GLO1: variants seen among roughly 807,000 people sequenced by gnomAD.
GLO1 encodes the protein lactoylglutathione lyase.
GLO1 carries 28 observed loss-of-function variants against 26.0 expected under a neutral mutation model. The observed-to-expected ratio is 1.08, with a 90% CI of 0.80 to 1.48. The LOEUF is 1.48. Among genes scored for constraint, GLO1 ranks in the 40% most tolerant of loss-of-function variants. The pLI, the probability that GLO1 is intolerant of heterozygous loss-of-function variation, is 0.00. For missense variants in GLO1, 225 were observed against 224.8 expected (o/e 1.00, Z -0.01); for synonymous variants, 78 against 77.6 (o/e 1.00, Z -0.03).
chr6:38,690,610 T>C (rs1399556336), intron 1 of GLO1, among the ~76,000 whole-genome samples: 1 of 152,190 alleles, frequency 6.6e-6, no homozygotes, highest in South Asian at 2.1e-4. Context: ...AGATTAATTA[T>C]ATCTTAAAAT....
chr6:38,683,135 A>G, intron 3 of GLO1: 1 of 393,806 alleles, frequency 2.5e-6, no homozygotes, highest in Non-Finnish European at 4.6e-6. Flanking sequence ...TATTGTGCTA[A>G]GTACTTTATA....
chr6:38,681,537 C>T lies in GLO1; in HGVS notation c.466+475G>A, dbSNP rs962323645. On this transcript the variant is annotated intron_variant, in intron 5 of 5. Coordinates refer to ENST00000373365, the MANE Select transcript of GLO1 (RefSeq NM_006708.3). Reference sequence around the variant, plus strand: ...ACATGTAAACCCAGCAAAATCCATACGTAGGCTATTTCAAAAAACCTACCT... The same window carrying T: ...ACATGTAAACCCAGCAAAATCCATATGTAGGCTATTTCAAAAAACCTACCT... Among the ~76,000 whole-genome samples the T allele has an allele frequency of 3.3e-5, 5 of 151,964 alleles. No individual in the cohort carries two copies. The East Asian group carries it at 5.8e-4, about 18-fold the overall frequency.
chr6:38,695,900 C>A (rs1047029061), intron 1 of GLO1, among the ~76,000 whole-genome samples: 4 of 152,108 alleles, frequency 2.6e-5, no homozygotes, highest in African/African-American at 7.2e-5. Flanking sequence ...TCTTCAGCTT[C>A]AAGTCTGGGC....
Position 38,680,195 on chromosome 6 carries a change from A to G in GLO1, c.466+1817T>C, listed in dbSNP as rs564587591. Reference sequence around the variant, plus strand: ...CTTCAGACATAAAGGCATCATCCTCAGTTACACAGAATCTCAAAAGTTTTG... The same window carrying G: ...CTTCAGACATAAAGGCATCATCCTCGGTTACACAGAATCTCAAAAGTTTTG... On this transcript the variant is annotated intron_variant, in intron 5 of 5. Coordinates refer to ENST00000373365, the MANE Select transcript of GLO1 (RefSeq NM_006708.3). 5.3e-5 allele frequency among the ~76,000 whole-genome samples: 8 copies of G among 152,340 alleles called. No homozygotes were observed. The East Asian group carries it at 1.5e-3, about 29-fold the overall frequency.
chr6:38,685,093 C>T (rs1761442888), intron 2 of GLO1, among the ~76,000 whole-genome samples: 1 of 152,206 alleles, frequency 6.6e-6, no homozygotes, highest in African/African-American at 2.4e-5. Context: ...AAGAAAAGGT[C>T]ATGAGATATG....
Position 38,684,534 on chromosome 6 carries a change from A to C in GLO1, c.168-20T>G. On this transcript the variant is annotated intron_variant, in intron 2 of 5. Transcript: ENST00000373365. ...ATTAGCCTGCAATGAAAAAACAACA[A>C]GCCTGAATCATTAACAACAGGAAAG... The C allele has an allele frequency of 6.9e-7, 1 of 1,450,950 alleles. No individual in the cohort carries two copies. Among genetic ancestry groups the C allele is most frequent in the Non-Finnish European group, 9.1e-7 (1 of 1,095,842 alleles). The allele number at this position is 1,450,950 out of a possible 1,614,324, so 89.9% of individuals were successfully genotyped here. A position where few individuals can be genotyped will look rare whatever the true frequency, so the allele number is the denominator to read the frequency against.
chr6:38,688,814 C>T (rs1241027198), intron 1 of GLO1, among the ~76,000 whole-genome samples: 1 of 152,232 alleles, frequency 6.6e-6, no homozygotes, highest in African/African-American at 2.4e-5. Flanking sequence ...CTGTGAGAGA[C>T]TCTGAGAGGA....
chr6:38,699,334 C>A (rs1045325017), intron 1 of GLO1, among the ~76,000 whole-genome samples: 6 of 152,110 alleles, frequency 3.9e-5, no homozygotes, highest in Non-Finnish European at 8.8e-5. Context: ...GGATGTACAT[C>A]ACCTCAGGAC....
At chr6:38,691,127 G>C (rs1761523274) in intron 1 of GLO1, among the ~76,000 whole-genome samples, 1 of 151,984 alleles carries the variant, frequency 6.6e-6, no homozygotes, top group South Asian at 2.1e-4. Flanking sequence ...TTTAAATTTA[G>C]AACAATAAAA....
chr6:38,699,767 C>T (rs181513795), intron 1 of GLO1, among the ~76,000 whole-genome samples: 23 of 152,194 alleles, frequency 1.5e-4, no homozygotes, highest in Admixed American at 1.5e-3. Context: ...TGTGGTCAGA[C>T]CGCTTCTCTG....
At chr6:38,698,652 C>G (rs1006330889) in intron 1 of GLO1, among the ~76,000 whole-genome samples, 1 of 135,130 alleles carries the variant, frequency 7.4e-6, no homozygotes, top group Non-Finnish European at 1.5e-5. Flanking sequence ...GAAGGAGAAC[C>G]TGACCTTTTT....
chr6:38,695,931 C>T (rs555705549), intron 1 of GLO1, among the ~76,000 whole-genome samples: 2 of 152,234 alleles, frequency 1.3e-5, no homozygotes, highest in East Asian at 3.9e-4. Context: ...AAAAAGAAAA[C>T]TTAGGAAACT....
At position 38,703,075 on chromosome 6, in the gene GLO1, G is replaced by A. The variant is rs1167258081; in HGVS notation, c.-21C>T. The A allele has an allele frequency of 7.0e-7, 1 of 1,429,098 alleles. No individual in the cohort carries two copies. The highest frequency in any genetic ancestry group is 9.8e-7 in the Non-Finnish European group (1 of 1,022,360). The allele number at this position is 1,429,098 out of a possible 1,614,324, so 88.5% of individuals were successfully genotyped here. On this transcript the variant is annotated 5_prime_UTR_variant, in exon 1 of 6. Coordinates refer to ENST00000373365, the MANE Select transcript of GLO1 (RefSeq NM_006708.3). Reference sequence around the variant, plus strand: ...GCCATGGCTGCGCTGCAGTATCACAGACGACGGGACCCAAGGAACGGAGGA... The same window carrying A: ...GCCATGGCTGCGCTGCAGTATCACAAACGACGGGACCCAAGGAACGGAGGA...
At chr6:38,702,151 C>T (rs12210866) in intron 1 of GLO1, among the ~76,000 whole-genome samples, 42,310 of 151,856 alleles carry the variant, frequency 0.28, 6,894 homozygotes, top group Non-Finnish European at 0.38. Context: ...ATGGTCTCTA[C>T]CTCTTGACCT....
intron 1 of GLO1, among the ~76,000 whole-genome samples, chr6:38,697,471 T>C (rs1761629487): frequency 6.6e-6 from 1 of 152,184 alleles, no homozygotes; most frequent in Non-Finnish European, 1.5e-5. Flanking sequence ...GGAGCCAGTA[T>C]CTCTAGTAGC....
At chr6:38,678,620 C>T (rs1184912029) in intron 5 of GLO1, among the ~76,000 whole-genome samples, 1 of 152,148 alleles carries the variant, frequency 6.6e-6, no homozygotes, top group African/African-American at 2.4e-5. Context: ...TGTGCATCGG[C>T]ACCTGCCCTC....
chr6:38,689,492 C>A (rs1419349827), intron 1 of GLO1, among the ~76,000 whole-genome samples: 1 of 152,208 alleles, frequency 6.6e-6, no homozygotes, highest in Non-Finnish European at 1.5e-5. Flanking sequence ...AGGCTATACT[C>A]AAATCCATAT....
At position 38,676,697 on chromosome 6, in the gene GLO1, T is replaced by C. The variant is rs1761248437; in HGVS notation, c.*598A>G. 1 of 152,262 alleles carries C rather than the reference T, an allele frequency of 6.6e-6. No homozygotes were observed. Among genetic ancestry groups the C allele is most frequent in the Admixed American group, 6.5e-5 (1 of 15,276 alleles). 9.4% of individuals were successfully genotyped at this position (152,262 alleles called of 1,614,324 possible). On this transcript the variant is annotated 3_prime_UTR_variant, in exon 6 of 6. Transcript: ENST00000373365. The stretch of plus-strand genomic sequence containing the variant: ...AGTGTCTGGGTACCATATCATTTCC[T>C]TCCTCCTCCCCTTTCCCAAATAAAT...
intron 1 of GLO1, among the ~76,000 whole-genome samples, chr6:38,702,132 C>G (rs1362924490): frequency 6.6e-6 from 1 of 152,012 alleles, no homozygotes; most frequent in Non-Finnish European, 1.5e-5. Flanking sequence ...GGGGTTTCAC[C>G]GTGTTAGGAT....
Sources: gnomAD v4.1 joint callset for allele counts (sites outside exome capture counted in the v4.1 genomes callset) on GRCh38, gnomAD v4.1.1 for gene constraint, MANE v1.5 for transcripts, NCBI Gene and HGNC (gene_info 2026-07-23, HGNC 2026-07-21) for gene names.